OR1R1: variants seen among roughly 807,000 people sequenced by gnomAD.
OR1R1 encodes the protein olfactory receptor 1R1.
At chr17:3,386,646 C>T in the OR1R1 span, 7 of 395,646 alleles carry the variant, frequency 1.8e-5, no homozygotes, top group Non-Finnish European at 2.7e-5. Context: ...TCTCCACCTG[C>T]GGGGCCCACC....
At chr17:3,386,846 G>C in the OR1R1 span, 1 of 398,526 alleles carries the variant, frequency 2.5e-6, no homozygotes, top group African/African-American at 2.1e-5. Context: ...AGGGGGCTCA[G>C]ATGGAGGGCT....
chr17:3,386,320 C>G, the OR1R1 span: 1 of 398,368 alleles, frequency 2.5e-6, no homozygotes, highest in Non-Finnish European at 4.4e-6. Flanking sequence ...CCGGCCCCTG[C>G]GCTACGGCGC....
At chr17:3,386,161 G>T in the OR1R1 span, 2 of 398,722 alleles carry the variant, frequency 5.0e-6, no homozygotes, top group Non-Finnish European at 8.8e-6. Context: ...CACCGTCACG[G>T]TCCCCAGGCT....
chr17:3,386,475 G>A, the OR1R1 span: 3 of 398,244 alleles, frequency 7.5e-6, no homozygotes, highest in African/African-American at 2.1e-5. Flanking sequence ...GCGACATGAC[G>A]GTGATGCTGA....
chr17:3,386,159 C>T, the OR1R1 span: 2 of 398,904 alleles, frequency 5.0e-6, 1 homozygote, highest in South Asian at 2.5e-4. Flanking sequence ...ACCACCGTCA[C>T]GGTCCCCAGG....
At chr17:3,386,671 G>GTGGCGGTGGCGC in the OR1R1 span, 2 of 398,796 alleles carry the variant, frequency 5.0e-6, no homozygotes, top group Non-Finnish European at 8.8e-6. Context: ...GGCGGTGGCG[G>GTGGCGGTGGCGC]TGGCGCTTTT....
the OR1R1 span, chr17:3,386,774 C>T: frequency 2.5e-6 from 1 of 398,666 alleles, no homozygotes. Flanking sequence ...GCTGTCATCA[C>T]GCCGACCTTG....
chr17:3,386,189 AC>A, the OR1R1 span: 2 of 397,984 alleles, frequency 5.0e-6, no homozygotes, highest in African/African-American at 2.1e-5. Flanking sequence ...GGCCTGCTCC[AC>A]CCGGGCCAGG....
At chr17:3,386,266 T>TACCTCCTGGCGGCCATGTCCTACG in the OR1R1 span, 1 of 398,766 alleles carries the variant, frequency 2.5e-6, no homozygotes, top group Non-Finnish European at 4.4e-6. Context: ...CACCGAGAGC[T>TACCTCCTGGCGGCCATGTCCTACG]ACCTCCTGGC....
the OR1R1 span, chr17:3,386,573 T>A: frequency 2.5e-6 from 1 of 398,428 alleles, no homozygotes; most frequent in African/African-American, 2.1e-5. Context: ...CTCCTCGTGT[T>A]CCTTTTCCTA....
At chr17:3,386,383 A>T in the OR1R1 span, 4 of 398,010 alleles carry the variant, frequency 1.0e-5, no homozygotes, top group African/African-American at 4.1e-5. Context: ...GTGGGCCGTG[A>T]CGCACCTGCA....
the OR1R1 span, chr17:3,386,790 T>G: frequency 1.8e-5 from 7 of 398,476 alleles, no homozygotes; most frequent in Non-Finnish European, 2.7e-5. Flanking sequence ...CCTTGAACCC[T>G]TTCATCAACA....
chr17:3,386,193 G>A, the OR1R1 span: 1 of 398,768 alleles, frequency 2.5e-6, no homozygotes, highest in Non-Finnish European at 4.4e-6. Flanking sequence ...TGCTCCACCC[G>A]GGCCAGGCCA....
the OR1R1 span, chr17:3,386,242 G>A: frequency 1.3e-5 from 5 of 398,552 alleles, no homozygotes; most frequent in African/African-American, 2.1e-5. Context: ...GTACTTCTTC[G>A]TGGCTCTGGG....
the OR1R1 span, chr17:3,386,840 G>A: frequency 2.5e-6 from 1 of 398,598 alleles, no homozygotes; most frequent in Non-Finnish European, 4.4e-6. Context: ...CTGAAAAGGG[G>A]GCTCAGATGG....
the OR1R1 span, chr17:3,386,860 C>T: frequency 2.5e-6 from 1 of 398,506 alleles, no homozygotes; most frequent in Non-Finnish European, 4.4e-6. Flanking sequence ...GAGGGCTGCA[C>T]CCCAAGAGGC....
At chr17:3,386,169 GC>G in the OR1R1 span, 7 of 398,722 alleles carry the variant, frequency 1.8e-5, no homozygotes, top group South Asian at 8.9e-4. Flanking sequence ...CGGTCCCCAG[GC>G]TGCTGGCCGG....
the OR1R1 span, chr17:3,386,304 G>A: frequency 5.0e-6 from 2 of 398,252 alleles, no homozygotes; most frequent in African/African-American, 2.1e-5. Context: ...GCCCGACGGC[G>A]GCGTGCCGGC....
At chr17:3,386,131 CTCGTGGACG>C in the OR1R1 span, 1 of 398,902 alleles carries the variant, frequency 2.5e-6, no homozygotes, top group Non-Finnish European at 4.4e-6. Context: ...TCACCTGAGC[CTCGTGGACG>C]TCTGCTTTAC....
Sources: gnomAD v4.1 joint callset for allele counts on GRCh38, gnomAD v4.1.1 for gene constraint, MANE v1.5 for transcripts, NCBI Gene and HGNC (gene_info 2026-07-23, HGNC 2026-07-21) for gene names.